The following ATP10B variants were observed in gnomAD, a reference collection of about 807,000 sequenced individuals.
ATP10B encodes ATPase phospholipid transporting 10B (putative).
ATP10B carries 122 observed loss-of-function variants against 141.2 expected under a neutral mutation model. The ratio of observed to expected loss-of-function variants is 0.86; its 90% CI spans 0.75 to 1.00. The LOEUF (loss-of-function observed/expected upper bound fraction) is 1.00, where lower values mean the gene tolerates loss of function less well. Ranked by LOEUF, ATP10B falls within the 50% of genes least tolerant of loss-of-function variation. The probability of loss-of-function intolerance (pLI) is 0.00; values close to 1 mark genes in which losing one functional copy is unlikely to be tolerated. For missense variants in ATP10B, 1,876 were observed against 1,825.3 expected (o/e 1.03, Z -0.51); for synonymous variants, 685 against 692.0 (o/e 0.99, Z 0.16).
chr5:160,568,399 G>A (rs748218840), intron 25 of ATP10B, among the ~76,000 whole-genome samples: 10 of 152,200 alleles, frequency 6.6e-5, no homozygotes, highest in Non-Finnish European at 1.3e-4. Flanking sequence ...CTTATTAAAG[G>A]AAGTAAGGCC....
chr5:160,813,931 T>C (rs1773371332), intron 1 of ATP10B, among the ~76,000 whole-genome samples: 2 of 152,180 alleles, frequency 1.3e-5, no homozygotes, highest in South Asian at 2.1e-4. Context: ...TCCTGACTGT[T>C]AGAAGGAAAA....
chr5:160,637,227 CCCATTCAT>C (rs1444816293), intron 10 of ATP10B, among the ~76,000 whole-genome samples: 1 of 151,084 alleles, frequency 6.6e-6, no homozygotes, highest in African/African-American at 2.4e-5. Flanking sequence ...TACCCACCCA[CCCATTCAT>C]CCATTCATCC....
chr5:160,814,170 C>T (rs1040836623), intron 1 of ATP10B, among the ~76,000 whole-genome samples: 36 of 151,852 alleles, frequency 2.4e-4, no homozygotes, highest in African/African-American at 7.0e-4. Context: ...AGTCTTCAGA[C>T]GATCAAACTA....
At chr5:160,745,874 G>T (rs1168679143) in intron 2 of ATP10B, among the ~76,000 whole-genome samples, 1 of 152,216 alleles carries the variant, frequency 6.6e-6, no homozygotes, top group Non-Finnish European at 1.5e-5. Context: ...ATTTGCACAT[G>T]GACTTAGTTT....
rs190182248 is a variant in ATP10B, at chr5:160,825,248, G to A, written c.-576+26693C>T. Among the ~76,000 whole-genome samples, 6 of 152,306 alleles carry A rather than the reference G, an allele frequency of 3.9e-5. No individual in the cohort carries two copies. In the East Asian group the frequency reaches 1.2e-3, roughly 29 times the overall value. On this transcript the variant is annotated intron_variant, in intron 1 of 25. Coordinates refer to ENST00000327245, the MANE Select transcript of ATP10B (RefSeq NM_025153.3). ...TGAATATGAGTGATATGGTTTGGCT[G>A]TGTGTCCACCCAAATCTCATCTTGA...
At chr5:160,922,759 A>G in the ATP10B span, among the ~76,000 whole-genome samples, 1 of 152,224 alleles carries the variant, frequency 6.6e-6, no homozygotes, top group Non-Finnish European at 1.5e-5. Context: ...TGTACTTGGA[A>G]GCTGCTCTGG....
At chr5:160,864,123 G>A in the ATP10B span, among the ~76,000 whole-genome samples, 5 of 151,738 alleles carry the variant, frequency 3.3e-5, no homozygotes, top group Non-Finnish European at 7.4e-5. Flanking sequence ...AAACAAGAAA[G>A]GACATAAAAA....
At chr5:160,793,406 C>T (rs759988216) in intron 1 of ATP10B, among the ~76,000 whole-genome samples, 4 of 152,158 alleles carry the variant, frequency 2.6e-5, no homozygotes, top group Admixed American at 1.3e-4. Context: ...TTAGTATTTC[C>T]ACTCTGTAGA....
chr5:160,798,778 G>T (rs988267096), intron 1 of ATP10B, among the ~76,000 whole-genome samples: 27 of 136,440 alleles, frequency 2.0e-4, no homozygotes, highest in African/African-American at 7.4e-4. Flanking sequence ...TGAGGCAAAG[G>T]CTTACTCTGT....
the ATP10B span, among the ~76,000 whole-genome samples, chr5:160,889,946 T>C: frequency 1.3e-5 from 2 of 152,180 alleles, no homozygotes; most frequent in Non-Finnish European, 2.9e-5. Flanking sequence ...TCCTTCTACA[T>C]AGAATCTTGA....
intron 1 of ATP10B, among the ~76,000 whole-genome samples, chr5:160,795,185 TAATC>T (rs753887354): frequency 4.5e-4 from 68 of 152,312 alleles, no homozygotes; most frequent in Non-Finnish European, 8.7e-4. Flanking sequence ...AAAAAATCCT[TAATC>T]AAAAGAAAAA....
the ATP10B span, among the ~76,000 whole-genome samples, chr5:160,894,183 G>A: frequency 0.46 from 69,988 of 151,790 alleles, 17,237 homozygotes; most frequent in Non-Finnish European, 0.54. Flanking sequence ...GAACAAAAGT[G>A]GTTGGAGAAT....
intron 2 of ATP10B, among the ~76,000 whole-genome samples, chr5:160,781,235 T>C (rs528882693): frequency 3.9e-5 from 6 of 152,262 alleles, no homozygotes; most frequent in South Asian, 2.1e-4. Flanking sequence ...AGTAGGATGG[T>C]CTGGGTGAGG....
chr5:160,770,238 TTC>T (rs1384351751), intron 2 of ATP10B, among the ~76,000 whole-genome samples: 2 of 151,958 alleles, frequency 1.3e-5, no homozygotes, highest in East Asian at 3.9e-4. Context: ...CTGGCTCTGT[TTC>T]TGTCTTTCTG....
intron 4 of ATP10B, among the ~76,000 whole-genome samples, chr5:160,688,396 A>G (rs912895134): frequency 1.3e-5 from 2 of 152,146 alleles, no homozygotes; most frequent in African/African-American, 4.8e-5. Context: ...TGCTCCTAAC[A>G]CTGGAATACG....
intron 25 of ATP10B, 32 bp downstream of exon 25, chr5:160,569,464 T>C (rs780453264): frequency 6.2e-7 from 1 of 1,610,462 alleles, no homozygotes; most frequent in South Asian, 1.1e-5. Context: ...ATTGGTAATT[T>C]TAGGAAAGAA....
At chr5:160,819,913 TAAA>T (rs1233611973) in intron 1 of ATP10B, among the ~76,000 whole-genome samples, 1 of 151,714 alleles carries the variant, frequency 6.6e-6, no homozygotes, top group Non-Finnish European at 1.5e-5. Context: ...GTTCCTACAT[TAAA>T]AAAGAAGAAA....
chr5:160,740,459 T>C (rs760154488), intron 2 of ATP10B, among the ~76,000 whole-genome samples: 9 of 152,172 alleles, frequency 5.9e-5, no homozygotes, highest in Non-Finnish European at 1.2e-4. Flanking sequence ...TCTCCAAATG[T>C]GGGGTTAGCT....
chr5:160,846,315 T>C (rs1776115194), intron 1 of ATP10B, among the ~76,000 whole-genome samples: 1 of 152,208 alleles, frequency 6.6e-6, no homozygotes. Context: ...CATGGTGAGT[T>C]GTATATGACA....
Sources: allele counts gnomAD v4.1 joint callset (sites outside exome capture counted in the v4.1 genomes callset), GRCh38; gene constraint gnomAD v4.1.1; transcripts MANE v1.5; gene names NCBI Gene and HGNC (gene_info 2026-07-23, HGNC 2026-07-21).